STXBP4: variants seen among roughly 807,000 people sequenced by gnomAD.
STXBP4 encodes syntaxin-binding protein 4.
A neutral mutation model predicts 76.1 loss-of-function variants in STXBP4; 55 were observed. That is an observed-to-expected ratio of 0.72 (90% CI 0.58 to 0.91). The LOEUF (loss-of-function observed/expected upper bound fraction) is 0.91, where lower values mean the gene tolerates loss of function less well. Ranked by LOEUF, STXBP4 falls within the 40% of genes least tolerant of loss-of-function variation. STXBP4 has a pLI of 0.00. For missense variants in STXBP4, 618 were observed against 636.9 expected, an observed-to-expected ratio of 0.97 and a Z score of 0.32; for synonymous variants, 201 against 220.2, an observed-to-expected ratio of 0.91 and a Z score of 0.77.
chr17:55,086,673 T>C lies in STXBP4; in HGVS notation c.1489+5490T>C, dbSNP rs569007269. ...ATTTTCCTTATCCATTCGTCTGTTG[T>C]TGCACACTAAGGTTGATTCCATATC... On this transcript the variant is annotated intron_variant, in intron 16 of 17. Transcript: ENST00000376352. 3.0e-3 allele frequency among the ~76,000 whole-genome samples: 462 copies of C among 152,250 alleles called. 2 individuals carry two copies. The highest frequency in any genetic ancestry group is 0.011 in the African/African-American group (448 of 41,556).
chr17:54,971,397 G>A (rs2077398631), intron 1 of STXBP4, among the ~76,000 whole-genome samples: 1 of 152,170 alleles, frequency 6.6e-6, no homozygotes, highest in African/African-American at 2.4e-5. Flanking sequence ...TCCTGGTGAG[G>A]GGTCTCCCTG....
chr17:54,986,060 A>C (rs1163797576), intron 2 of STXBP4, 82 bp from the exon 3 acceptor site: 1 of 656,160 alleles, frequency 1.5e-6, no homozygotes, highest in African/African-American at 1.8e-5. Context: ...TTCCAAGTGT[A>C]TATAATGTTT....
chr17:55,063,462 G>A (rs2079016933), intron 12 of STXBP4, among the ~76,000 whole-genome samples: 1 of 152,130 alleles, frequency 6.6e-6, no homozygotes, highest in Non-Finnish European at 1.5e-5. Context: ...TAAAGTTCTA[G>A]GTTCCATACT....
At position 55,024,244 on chromosome 17, in the gene STXBP4, G is replaced by A. The variant is rs369190438; in HGVS notation, c.667-6924G>A. 1.6e-3 allele frequency among the ~76,000 whole-genome samples: 238 copies of A among 152,242 alleles called. 5 individuals carry two copies. In the South Asian group the frequency reaches 0.046, roughly 29 times the overall value. ...TGGCAAAACTGAACCTGCTCACATC[G>A]TTTAACCTCACAATTCTACTTCTGG... On this transcript the variant is annotated intron_variant, in intron 8 of 17. Coordinates refer to ENST00000376352, the MANE Select transcript of STXBP4 (RefSeq NM_178509.6).
chr17:54,974,594 C>T (rs2077442290), intron 1 of STXBP4, among the ~76,000 whole-genome samples: 1 of 152,212 alleles, frequency 6.6e-6, no homozygotes, highest in Non-Finnish European at 1.5e-5. Flanking sequence ...TGTGCAGTCA[C>T]ACAAGGCCCT....
At chr17:55,145,902 C>G (rs1057232907) in intron 17 of STXBP4, among the ~76,000 whole-genome samples, 15 of 152,114 alleles carry the variant, frequency 9.9e-5, no homozygotes, top group Non-Finnish European at 1.9e-4. Context: ...GAGAGAGTTG[C>G]AACATTCTTA....
At position 55,087,925 on chromosome 17, in the gene STXBP4, G is replaced by T. The variant is rs184295341; in HGVS notation, c.1489+6742G>T. Among the ~76,000 whole-genome samples, 4 of 152,196 alleles carry T rather than the reference G, an allele frequency of 2.6e-5. No homozygotes were observed. In the East Asian group the frequency reaches 7.7e-4, roughly 29 times the overall value. On this transcript the variant is annotated intron_variant, in intron 16 of 17. Coordinates refer to ENST00000376352, the MANE Select transcript of STXBP4 (RefSeq NM_178509.6). ...TTATAGCCTCTTCAGTTTCTTCCAT[G>T]AGCATTTTGTAGTTTTCCCATGAGC...
chr17:55,132,460 A>G (rs2079983517), intron 16 of STXBP4, among the ~76,000 whole-genome samples: 1 of 152,192 alleles, frequency 6.6e-6, no homozygotes, highest in Non-Finnish European at 1.5e-5. Context: ...AAATGCTGGG[A>G]TTACAGGCAT....
intron 16 of STXBP4, among the ~76,000 whole-genome samples, chr17:55,099,781 T>G (rs1015234017): frequency 7.2e-5 from 11 of 152,190 alleles, no homozygotes; most frequent in African/African-American, 2.7e-4. Flanking sequence ...TGAAGCTCGG[T>G]ATTGAAGTAG....
At chr17:55,011,271 A>G (rs1043379582) in intron 8 of STXBP4, among the ~76,000 whole-genome samples, 20 of 151,824 alleles carry the variant, frequency 1.3e-4, no homozygotes, top group Admixed American at 4.6e-4. Context: ...ATATTAAAAT[A>G]TTAATCATGT....
intron 12 of STXBP4, among the ~76,000 whole-genome samples, chr17:55,072,638 A>G (rs1019097062): frequency 8.5e-5 from 13 of 152,204 alleles, no homozygotes; most frequent in Non-Finnish European, 1.8e-4. Context: ...ACTATCTTCT[A>G]CTTCCTTTAT....
intron 8 of STXBP4, among the ~76,000 whole-genome samples, chr17:55,021,732 C>T (rs1598216872): frequency 6.6e-6 from 1 of 151,988 alleles, no homozygotes; most frequent in East Asian, 1.9e-4. Flanking sequence ...AGGATCTTTT[C>T]TGTACTATCA....
At chr17:55,183,279 T>A in the STXBP4 span, among the ~76,000 whole-genome samples, 1 of 152,014 alleles carries the variant, frequency 6.6e-6, no homozygotes, top group South Asian at 2.1e-4. Flanking sequence ...AATGGAAAAT[T>A]CAACTAACAT....
intron 8 of STXBP4, among the ~76,000 whole-genome samples, chr17:55,028,889 G>A (rs532068240): frequency 3.3e-5 from 5 of 152,192 alleles, no homozygotes; most frequent in Non-Finnish European, 5.9e-5. Flanking sequence ...ATTCACTACT[G>A]GTGTGCATAA....
the STXBP4 span, among the ~76,000 whole-genome samples, chr17:55,190,644 G>T: frequency 6.6e-6 from 1 of 152,152 alleles, no homozygotes; most frequent in Admixed American, 6.5e-5. Flanking sequence ...AGGAAGGAAT[G>T]GTGGATCTGC....
At chr17:55,058,649 T>C (rs1208263193) in intron 12 of STXBP4, among the ~76,000 whole-genome samples, 1 of 152,168 alleles carries the variant, frequency 6.6e-6, no homozygotes, top group African/African-American at 2.4e-5. Context: ...GAAAGCTATT[T>C]TAATCAATTG....
chr17:55,061,360 A>T (rs919664173), intron 12 of STXBP4, among the ~76,000 whole-genome samples: 3 of 152,184 alleles, frequency 2.0e-5, no homozygotes, highest in African/African-American at 7.2e-5. Context: ...TTCAGAATTG[A>T]TGTGATTTCT....
chr17:55,080,039 T>A (rs1401048098), intron 15 of STXBP4, among the ~76,000 whole-genome samples: 1 of 152,184 alleles, frequency 6.6e-6, no homozygotes, highest in African/African-American at 2.4e-5. Context: ...ATCACATTTA[T>A]TTCTTTATGG....
At chr17:55,189,811 G>T in the STXBP4 span, among the ~76,000 whole-genome samples, 1 of 152,234 alleles carries the variant, frequency 6.6e-6, no homozygotes, top group Non-Finnish European at 1.5e-5. Flanking sequence ...GTGTGATTCA[G>T]TGGGAAGAGT....
Sources: gnomAD v4.1 joint callset for allele counts (sites outside exome capture counted in the v4.1 genomes callset) on GRCh38, gnomAD v4.1.1 for gene constraint, MANE v1.5 for transcripts, NCBI Gene and HGNC (gene_info 2026-07-23, HGNC 2026-07-21) for gene names.